Variants in DPF3 observed in about 807,000 individuals in gnomAD.
DPF3 encodes the protein zinc finger protein DPF3.
In DPF3, 18 loss-of-function variants were observed where a neutral mutation model predicts 56.8. The ratio of observed to expected loss-of-function variants is 0.32; its 90% CI spans 0.22 to 0.47. The LOEUF (loss-of-function observed/expected upper bound fraction) is 0.47. DPF3 is among the 20% of genes least tolerant of loss of function. The pLI, the probability that DPF3 is intolerant of heterozygous loss-of-function variation, is 1.00. For synonymous variants in DPF3, 188 were observed against 180.2 expected (o/e 1.04, Z -0.35); for missense variants, 403 against 488.8 (o/e 0.82, Z 1.65).
chr14:72,882,010 T>C (rs920221912), intron 1 of DPF3, among the ~76,000 whole-genome samples: 2 of 152,182 alleles, frequency 1.3e-5, no homozygotes, highest in Non-Finnish European at 2.9e-5. Flanking sequence ...GACTGTGACG[T>C]TGGAACCTCT....
In DPF3 at chr14:72,620,000, G is replaced by A; in HGVS notation, c.985-16C>T. 1 of 1,531,174 alleles carries A rather than the reference G, an allele frequency of 6.5e-7. No individual in the cohort carries two copies. Among genetic ancestry groups the A allele is most frequent in the Non-Finnish European group, 8.7e-7 (1 of 1,144,146 alleles). The allele number at this position is 1,531,174 out of a possible 1,614,324, so 94.8% of individuals were successfully genotyped here. A position where few individuals can be genotyped will look rare whatever the true frequency, so the allele number is the denominator to read the frequency against. ...GTAGCTGGTCCTGGTGGAACACAGA[G>A]TAAGCACAGAGGAGGAGAGATTCCA... On this transcript the variant is annotated splice_polypyrimidine_tract_variant and intron_variant, in intron 9 of 10. Coordinates refer to ENST00000556509, the MANE Select transcript of DPF3 (RefSeq NM_001280542.3).
intron 1 of DPF3, among the ~76,000 whole-genome samples, chr14:72,776,946 C>T (rs942728797): frequency 6.6e-6 from 1 of 152,176 alleles, no homozygotes; most frequent in South Asian, 2.1e-4. Flanking sequence ...TGCCTTCAAA[C>T]CATCTGGAAC....
At chr14:72,638,390 G>C (rs772488920) in intron 8 of DPF3, among the ~76,000 whole-genome samples, 1 of 152,178 alleles carries the variant, frequency 6.6e-6, no homozygotes, top group South Asian at 2.1e-4. Context: ...CTGGCTAAAG[G>C]CTCTGTGTTT....
At chr14:72,864,058 T>G (rs150828766) in intron 1 of DPF3, among the ~76,000 whole-genome samples, 2 of 152,154 alleles carry the variant, frequency 1.3e-5, no homozygotes, top group Non-Finnish European at 2.9e-5. Flanking sequence ...AATGTTGGTC[T>G]AGGGAGTCTG....
At chr14:72,762,741 T>C (rs2139924087) in intron 2 of DPF3, among the ~76,000 whole-genome samples, 1 of 152,114 alleles carries the variant, frequency 6.6e-6, no homozygotes, top group East Asian at 1.9e-4. Flanking sequence ...TTGGAGAGTC[T>C]AGCCAGTGCA....
intron 3 of DPF3, among the ~76,000 whole-genome samples, chr14:72,740,925 G>T (rs1041759612): frequency 6.6e-6 from 1 of 152,144 alleles, no homozygotes; most frequent in African/African-American, 2.4e-5. Flanking sequence ...GACAGAGCTG[G>T]GCATGGTGGC....
At chr14:72,754,144 T>C (rs571889010) in intron 2 of DPF3, among the ~76,000 whole-genome samples, 7 of 152,224 alleles carry the variant, frequency 4.6e-5, no homozygotes, top group African/African-American at 1.7e-4. Context: ...ACAACAATTG[T>C]GTGTGGCTCT....
intron 1 of DPF3, among the ~76,000 whole-genome samples, chr14:72,814,422 A>T (rs1379562346): frequency 1.3e-5 from 2 of 152,216 alleles, no homozygotes; most frequent in Non-Finnish European, 2.9e-5. Context: ...ATGCTAACAC[A>T]TTTGATGAGG....
Position 72,681,447 on chromosome 14 carries a change from G to C in DPF3, c.743-7079C>G, listed in dbSNP as rs147632465. Reference sequence around the variant, plus strand: ...ATCCCCAGGCTCAGCTGGCCCCAGAGTCTTGAGACTCATTCTGTCTCTCAC... The same window carrying C: ...ATCCCCAGGCTCAGCTGGCCCCAGACTCTTGAGACTCATTCTGTCTCTCAC... On this transcript the variant is annotated intron_variant, in intron 7 of 10. Transcript: ENST00000556509. Among the ~76,000 whole-genome samples the C allele has an allele frequency of 1.4e-3, 215 of 152,300 alleles. 1 individual carries two copies. The highest frequency in any genetic ancestry group is 4.8e-3 in the African/African-American group (200 of 41,548).
chr14:72,637,628 G>A (rs1190209886), intron 8 of DPF3, among the ~76,000 whole-genome samples: 1 of 152,118 alleles, frequency 6.6e-6, no homozygotes, highest in Non-Finnish European at 1.5e-5. Flanking sequence ...GACTTCTCTA[G>A]CATTAGTTTT....
At chr14:72,881,866 T>A (rs1302747051) in intron 1 of DPF3, among the ~76,000 whole-genome samples, 2 of 152,054 alleles carry the variant, frequency 1.3e-5, no homozygotes, top group Admixed American at 1.3e-4. Context: ...GTGACTTAAG[T>A]TTCATGTTTT....
At chr14:72,737,569 G>A (rs1272430508) in intron 3 of DPF3, among the ~76,000 whole-genome samples, 1 of 152,198 alleles carries the variant, frequency 6.6e-6, no homozygotes, top group African/African-American at 2.4e-5. Flanking sequence ...CTGGAAACCT[G>A]CAAGTCGTAT....
intron 8 of DPF3, among the ~76,000 whole-genome samples, chr14:72,651,383 G>C (rs1885903059): frequency 6.6e-6 from 1 of 152,182 alleles, no homozygotes; most frequent in Non-Finnish European, 1.5e-5. Context: ...CCTGGGCACT[G>C]TCTGCTGTGC....
intron 2 of DPF3, among the ~76,000 whole-genome samples, chr14:72,756,860 GAAAGA>G (rs1567222909): frequency 1.4e-4 from 15 of 106,816 alleles, no homozygotes; most frequent in South Asian, 3.1e-4. Flanking sequence ...AAGAAAGAAA[GAAAGA>G]AAGAAAGGAA....
intron 8 of DPF3, among the ~76,000 whole-genome samples, chr14:72,669,177 G>A (rs1886563819): frequency 6.6e-6 from 1 of 152,158 alleles, no homozygotes; most frequent in South Asian, 2.1e-4. Context: ...TCATTTCTGG[G>A]TTTCTTGGCT....
At chr14:72,812,549 G>A (rs1001042863) in intron 1 of DPF3, among the ~76,000 whole-genome samples, 2 of 152,024 alleles carry the variant, frequency 1.3e-5, no homozygotes, top group African/African-American at 2.4e-5. Context: ...TTCCCATGAC[G>A]TCACCGAGAG....
chr14:72,893,017 A>C (rs113764386), intron 1 of DPF3, among the ~76,000 whole-genome samples: 48,068 of 130,670 alleles, frequency 0.37, 11,078 homozygotes, highest in Non-Finnish European at 0.49. Flanking sequence ...GGAAGGAAGG[A>C]AGGAAGGATG....
At chr14:72,662,079 T>C (rs1886241232) in intron 8 of DPF3, 3 of 985,070 alleles carry the variant, frequency 3.0e-6, no homozygotes, top group Non-Finnish European at 3.6e-6. Context: ...GATTTGTGGC[T>C]AAGTTATTTC....
rs143124182 is a variant in DPF3, at chr14:72,707,167, T to C, written c.604+7256A>G. 2.6e-3 allele frequency among the ~76,000 whole-genome samples: 396 copies of C among 152,330 alleles called. 3 individuals are homozygous for C. The highest frequency in any genetic ancestry group is 8.8e-3 in the African/African-American group (364 of 41,570). ...CAAAGGACATGAACTCATCATTTTT[T>C]ATGGCTGCATAGTATTCCATGGTGT... is the stretch of plus-strand genomic sequence containing the variant. On this transcript the variant is annotated intron_variant, in intron 6 of 10. Transcript: ENST00000556509.
Sources: allele counts gnomAD v4.1 joint callset (sites outside exome capture counted in the v4.1 genomes callset), GRCh38; gene constraint gnomAD v4.1.1; transcripts MANE v1.5; gene names NCBI Gene and HGNC (gene_info 2026-07-23, HGNC 2026-07-21).